Variants in SUGCT observed in about 807,000 individuals in gnomAD.
SUGCT encodes the protein succinyl-CoA:glutarate CoA-transferase.
A neutral mutation model predicts 55.0 loss-of-function variants in SUGCT; 41 were observed. The observed-to-expected ratio is 0.74, with a 90% CI of 0.58 to 0.97. The LOEUF is 0.97. Ranked by LOEUF, SUGCT falls within the 50% of genes least tolerant of loss-of-function variation. The pLI, the probability that SUGCT is intolerant of heterozygous loss-of-function variation, is 0.00. For synonymous variants in SUGCT, 187 were observed against 200.4 expected (o/e 0.93, Z 0.56); for missense variants, 568 against 547.8 (o/e 1.04, Z -0.37).
intron 13 of SUGCT, among the ~76,000 whole-genome samples, chr7:40,832,815 C>T (rs1792764943): frequency 6.6e-6 from 1 of 151,998 alleles, no homozygotes; most frequent in Non-Finnish European, 1.5e-5. Context: ...GCTGGGACTA[C>T]AGGCACCCGC....
At chr7:40,854,300 A>G (rs1794008558) in intron 13 of SUGCT, among the ~76,000 whole-genome samples, 1 of 151,886 alleles carries the variant, frequency 6.6e-6, no homozygotes, top group African/African-American at 2.4e-5. Context: ...CTCCTTCTCC[A>G]TCTCTGCTTT....
chr7:40,795,689 C>A (rs1790519135), intron 13 of SUGCT, among the ~76,000 whole-genome samples: 1 of 152,070 alleles, frequency 6.6e-6, no homozygotes, highest in Non-Finnish European at 1.5e-5. Flanking sequence ...TGGCAAGGAG[C>A]AAACTCCCAA....
intron 13 of SUGCT, among the ~76,000 whole-genome samples, chr7:40,806,240 T>C (rs1791084312): frequency 6.6e-6 from 1 of 152,102 alleles, no homozygotes; most frequent in South Asian, 2.1e-4. Flanking sequence ...TCCCAGGTGG[T>C]CCTGAGTAGC....
rs576028196 is a variant in SUGCT, at chr7:40,204,887, T to C, written c.484+9827T>C. On this transcript the variant is annotated intron_variant, in intron 6 of 13. Coordinates refer to ENST00000335693, the MANE Select transcript of SUGCT (RefSeq NM_001193313.2). ...AGTTTGAGGCTGCAGTGAGCTCTGA[T>C]TGCTGCAGTGAGCTCTGATTGCACC... is the stretch of plus-strand genomic sequence containing the variant. 3.3e-5 allele frequency among the ~76,000 whole-genome samples: 5 copies of C among 151,976 alleles called. No individual in the cohort carries two copies. In the South Asian group the frequency reaches 6.2e-4, roughly 19 times the overall value.
chr7:40,711,749 G>A (rs1175883800), intron 12 of SUGCT, among the ~76,000 whole-genome samples: 2 of 152,116 alleles, frequency 1.3e-5, no homozygotes, highest in Admixed American at 6.6e-5. Flanking sequence ...ATACTGTTTT[G>A]TGAATTCTGT....
At chr7:40,218,879 T>C (rs1787842029) in intron 6 of SUGCT, among the ~76,000 whole-genome samples, 1 of 152,166 alleles carries the variant, frequency 6.6e-6, no homozygotes, top group Non-Finnish European at 1.5e-5. Flanking sequence ...CAGCAGCATG[T>C]GGGTGGGGCC....
chr7:40,390,884 T>C (rs963706388), intron 9 of SUGCT, among the ~76,000 whole-genome samples: 2 of 152,156 alleles, frequency 1.3e-5, no homozygotes, highest in Non-Finnish European at 2.9e-5. Flanking sequence ...CTTCAAACTA[T>C]ACTACAAGGC....
At chr7:41,004,939 G>A in the SUGCT span, among the ~76,000 whole-genome samples, 80 of 152,116 alleles carry the variant, frequency 5.3e-4, no homozygotes, top group Non-Finnish European at 1.5e-4. Context: ...TTGTGACATC[G>A]GTGGACTTGG....
chr7:40,738,196 TAAAAAAAA>T (rs71714222), intron 12 of SUGCT, among the ~76,000 whole-genome samples: 1 of 111,046 alleles, frequency 9.0e-6, no homozygotes, highest in African/African-American at 3.2e-5. Flanking sequence ...GACTCCATCT[TAAAAAAAA>T]AAAAAAAAAA....
chr7:40,171,237 A>G (rs1425006261), intron 1 of SUGCT, among the ~76,000 whole-genome samples: 1 of 152,212 alleles, frequency 6.6e-6, no homozygotes, highest in African/African-American at 2.4e-5. Context: ...CCTTTTTCCT[A>G]CGAGAAGAAG....
chr7:40,286,775 C>T (rs1038863221), intron 8 of SUGCT, among the ~76,000 whole-genome samples: 1 of 151,980 alleles, frequency 6.6e-6, no homozygotes, highest in African/African-American at 2.4e-5. Context: ...AACCCTATGT[C>T]CTATAGTTAG....
chr7:40,860,322 C>T lies in SUGCT; in HGVS notation c.1160C>T (p.Ala387Val). ...TTTCCTTCTCCTTTGGCAGGCCCAG[C>T]TGTGAGATACAGTAAGTTCAAGATG... ...TVGKISVPGP[A>V]VRYSKFKMSE... Residue 387 changes from alanine (A) to valine (V), a missense_variant, in exon 14 of 14, where the codon GCT becomes GTT. Physicochemically the swap from Ala to Val is moderately conservative, Grantham distance 64. Coordinates refer to ENST00000335693, the MANE Select transcript of SUGCT (RefSeq NM_001193313.2). 1 of 1,613,962 alleles carries T rather than the reference C, an allele frequency of 6.2e-7. No individual in the cohort carries two copies.
At chr7:40,316,694 C>A (rs763794288) in intron 8 of SUGCT, 66 bp from the exon 9 acceptor site, 2 of 1,026,344 alleles carry the variant, frequency 1.9e-6, no homozygotes, top group African/African-American at 1.6e-5. Flanking sequence ...CATAATATAA[C>A]GTTCTCTTTA....
At chr7:41,019,752 G>A in the SUGCT span, among the ~76,000 whole-genome samples, 1 of 152,188 alleles carries the variant, frequency 6.6e-6, no homozygotes, top group African/African-American at 2.4e-5. Flanking sequence ...CCTGATGGGG[G>A]TGTTATCTGT....
chr7:41,019,215 G>T, the SUGCT span, among the ~76,000 whole-genome samples: 26 of 152,132 alleles, frequency 1.7e-4, no homozygotes, highest in African/African-American at 6.3e-4. Context: ...ACATTGTTAA[G>T]TATTTCTTTA....
rs146280617 is a variant in SUGCT at position 40,475,326 on chromosome 7, T to C, written c.986+16128T>C. Among the ~76,000 whole-genome samples, 13 of 152,320 alleles carry C rather than the reference T, an allele frequency of 8.5e-5. No individual in the cohort carries two copies. In the South Asian group the frequency reaches 1.2e-3, roughly 15 times the overall value. On this transcript the variant is annotated intron_variant, in intron 11 of 13. Transcript: ENST00000335693. ...TACCTGAGGTTGAAACTGAAAGCTC[T>C]GGTTGTATTATTTGACTGCCTTCAA...
At chr7:40,445,045 GA>G (rs1486712260) in intron 9 of SUGCT, among the ~76,000 whole-genome samples, 2 of 152,006 alleles carry the variant, frequency 1.3e-5, no homozygotes, top group Admixed American at 6.6e-5. Flanking sequence ...TGCATATGTT[GA>G]ACCAGCCTTG....
At position 40,242,906 on chromosome 7, in the gene SUGCT, CATATATATATAT is replaced by C. The variant is rs1159693206; in HGVS notation, c.576+5197_576+5208del. Among the ~76,000 whole-genome samples the C allele has an allele frequency of 3.4e-3, 111 of 32,234 alleles. 1 individual carries two copies. Among genetic ancestry groups the C allele is most frequent in the African/African-American group, 0.01 (84 of 8,220 alleles). 21.1% of individuals were successfully genotyped at this position (32,234 alleles called of 152,430 possible). A position where few individuals can be genotyped will look rare whatever the true frequency, so the allele number is the denominator to read the frequency against. ...GAATATCTGGTACTGTGCTATGTGG[CATATATATATAT>C]ATATATATATATATATTTTTTTTTT... On this transcript the variant is annotated intron_variant, in intron 7 of 13. Coordinates refer to ENST00000335693, the MANE Select transcript of SUGCT (RefSeq NM_001193313.2).
At chr7:40,375,260 A>G (rs1210763795) in intron 9 of SUGCT, among the ~76,000 whole-genome samples, 1 of 152,154 alleles carries the variant, frequency 6.6e-6, no homozygotes, top group Non-Finnish European at 1.5e-5. Flanking sequence ...TCAGTAACAC[A>G]ATTTTAAGGG....
Sources: gnomAD v4.1 joint callset for allele counts (sites outside exome capture counted in the v4.1 genomes callset) on GRCh38, gnomAD v4.1.1 for gene constraint, MANE v1.5 for transcripts, NCBI Gene and HGNC (gene_info 2026-07-23, HGNC 2026-07-21) for gene names.